ATE1: variants seen among roughly 807,000 people sequenced by gnomAD.
The protein encoded by ATE1 is arginyl-tRNA--protein transferase 1.
ATE1 carries 36 observed loss-of-function variants against 70.5 expected under a neutral mutation model. The observed-to-expected ratio is 0.51, with a 90% CI of 0.39 to 0.67. ATE1 has a LOEUF of 0.67. ATE1 is among the 30% of genes least tolerant of loss of function. The pLI, the probability that ATE1 is intolerant of heterozygous loss-of-function variation, is 0.00. For missense variants in ATE1, 593 were observed against 629.5 expected (o/e 0.94, Z 0.62); for synonymous variants, 232 against 219.3 (o/e 1.06, Z -0.51).
rs775615068 is a variant in ATE1 at position 121,743,690 on chromosome 10, A to G, written c.1547T>C (p.Phe516Ser). 2.5e-6 allele frequency: 4 copies of G among 1,609,950 alleles called. No homozygotes were observed. Among genetic ancestry groups the G allele is most frequent in the Non-Finnish European group, 3.4e-6 (4 of 1,178,500 alleles). Residue 516 changes from phenylalanine (F) to serine (S), a missense_variant, in exon 12 of 12, where the codon TTC (phenylalanine) becomes TCC (serine). Transcript: ENST00000224652. Reference sequence around the variant, plus strand: ...GCAGAGGTGAACAGGTCAGTTTCTGAACAGCAGCATCCGCTCGGAGCACTT... The same window carrying G: ...GCAGAGGTGAACAGGTCAGTTTCTGGACAGCAGCATCCGCTCGGAGCACTT... ...GQKCSERMLL[F>S]RN is the part of the protein sequence containing the mutation.
chr10:121,766,927 C>T (rs937373528), intron 11 of ATE1, among the ~76,000 whole-genome samples: 4 of 152,076 alleles, frequency 2.6e-5, no homozygotes, highest in African/African-American at 9.7e-5. Context: ...CAATCCCTTT[C>T]GGAGAATAAA....
chr10:121,922,490 A>C (rs1951921193), intron 2 of ATE1, 79 bp from the exon 3 acceptor site: 1 of 835,360 alleles, frequency 1.2e-6, no homozygotes, highest in South Asian at 1.5e-5. Context: ...GGAGCATTAA[A>C]TTAAGGTTAA....
chr10:121,779,845 T>C (rs1945906227), intron 11 of ATE1, among the ~76,000 whole-genome samples: 2 of 152,180 alleles, frequency 1.3e-5, no homozygotes, highest in South Asian at 4.1e-4. Flanking sequence ...ACCAAGATTG[T>C]TAAATGATGT....
At chr10:121,877,636 T>A (rs993918374) in intron 7 of ATE1, among the ~76,000 whole-genome samples, 1 of 151,986 alleles carries the variant, frequency 6.6e-6, no homozygotes, top group Non-Finnish European at 1.5e-5. Context: ...CGGAGCATAT[T>A]CAAATGGCCA....
chr10:121,754,686 T>C (rs915975675), intron 11 of ATE1, among the ~76,000 whole-genome samples: 10 of 152,228 alleles, frequency 6.6e-5, no homozygotes, highest in African/African-American at 2.2e-4. Flanking sequence ...AACCAGTAGA[T>C]ATAAGTCTGA....
intron 8 of ATE1, among the ~76,000 whole-genome samples, chr10:121,847,785 G>C (rs1948891197): frequency 1.4e-5 from 2 of 138,172 alleles, no homozygotes; most frequent in Non-Finnish European, 3.1e-5. Flanking sequence ...AAAAAATCGT[G>C]AACAGGCCAG....
chr10:121,821,058 C>T (rs1331108287), intron 10 of ATE1, among the ~76,000 whole-genome samples: 3 of 152,228 alleles, frequency 2.0e-5, no homozygotes, highest in African/African-American at 2.4e-5. Flanking sequence ...TCTCCCGCCT[C>T]GGCCTCCCGA....
At chr10:121,868,311 T>C (rs1949732014) in intron 8 of ATE1, among the ~76,000 whole-genome samples, 1 of 152,236 alleles carries the variant, frequency 6.6e-6, no homozygotes, top group African/African-American at 2.4e-5. Context: ...TAGAAGATCA[T>C]TACATTAAGT....
intron 8 of ATE1, among the ~76,000 whole-genome samples, chr10:121,861,982 C>T (rs1230612021): frequency 1.3e-5 from 2 of 152,070 alleles, no homozygotes; most frequent in African/African-American, 4.8e-5. Flanking sequence ...TCTAGTCCCC[C>T]GAGTAGTTAC....
intron 11 of ATE1, among the ~76,000 whole-genome samples, chr10:121,783,424 G>A (rs987586026): frequency 6.6e-6 from 1 of 152,110 alleles, no homozygotes. Flanking sequence ...ATAGTGTACA[G>A]GCTGAACCAT....
At chr10:121,858,042 A>C (rs1169662752) in intron 8 of ATE1, among the ~76,000 whole-genome samples, 1 of 152,178 alleles carries the variant, frequency 6.6e-6, no homozygotes, top group Non-Finnish European at 1.5e-5. Flanking sequence ...AAGGCTGAAT[A>C]ATATTCCTTC....
intron 10 of ATE1, among the ~76,000 whole-genome samples, chr10:121,816,092 G>A (rs1947529824): frequency 6.6e-6 from 1 of 152,084 alleles, no homozygotes; most frequent in African/African-American, 2.4e-5. Flanking sequence ...CCCTACTATA[G>A]CTAATATGTT....
In ATE1 at chr10:121,750,986, G is replaced by C. The variant is rs546205662; in HGVS notation, c.1379-7128C>G. ...TTAATCTTTACGAGGGAGGGGACAG[G>C]AAAGGTGAGAAGAAAGGAAGCTTTT... On this transcript the variant is annotated intron_variant, in intron 11 of 11. Transcript: ENST00000224652. Among the ~76,000 whole-genome samples, 22 of 152,296 alleles carry C rather than the reference G, an allele frequency of 1.4e-4. No homozygotes were observed. In the South Asian group the frequency reaches 4.6e-3, roughly 32 times the overall value.
At chr10:121,871,944 T>C (rs533310825) in intron 7 of ATE1, among the ~76,000 whole-genome samples, 36 of 152,320 alleles carry the variant, frequency 2.4e-4, no homozygotes, top group African/African-American at 6.0e-4. Flanking sequence ...GATTCTTTCA[T>C]TGCAGCCCAA....
At chr10:121,783,132 C>CA (rs1321167228) in intron 11 of ATE1, among the ~76,000 whole-genome samples, 17 of 152,166 alleles carry the variant, frequency 1.1e-4, no homozygotes, top group African/African-American at 3.9e-4. Flanking sequence ...TTACTTTCAT[C>CA]AAAATAAAAT....
intron 1 of ATE1, among the ~76,000 whole-genome samples, chr10:121,925,721 T>A (rs77447688): frequency 0.13 from 19,908 of 150,096 alleles, 1,502 homozygotes; most frequent in East Asian, 0.19. Flanking sequence ...AAAAAAAAAA[T>A]AATAATCATA....
intron 10 of ATE1, among the ~76,000 whole-genome samples, chr10:121,811,948 ATTCT>A (rs1947335660): frequency 1.4e-5 from 2 of 140,880 alleles, no homozygotes; most frequent in African/African-American, 2.7e-5. Context: ...CTTATTCCAA[ATTCT>A]TTTTTTTTTT....
intron 10 of ATE1, among the ~76,000 whole-genome samples, chr10:121,835,921 T>C (rs925149933): frequency 6.6e-6 from 1 of 152,152 alleles, no homozygotes; most frequent in African/African-American, 2.4e-5. Flanking sequence ...AAGTCATATT[T>C]CTATGTGTGG....
At chr10:121,756,786 C>T (rs1391905492) in intron 11 of ATE1, among the ~76,000 whole-genome samples, 1 of 152,160 alleles carries the variant, frequency 6.6e-6, no homozygotes, top group Non-Finnish European at 1.5e-5. Flanking sequence ...GACCCCTGGG[C>T]CCAGCCCATA....
Sources: gnomAD v4.1 joint callset for allele counts (sites outside exome capture counted in the v4.1 genomes callset) on GRCh38, gnomAD v4.1.1 for gene constraint, MANE v1.5 for transcripts, NCBI Gene and HGNC (gene_info 2026-07-23, HGNC 2026-07-21) for gene names.